The following FREM3 variants were observed in gnomAD, a reference collection of about 807,000 sequenced individuals.
FREM3 encodes the protein FRAS1-related extracellular matrix protein 3.
FREM3 carries 105 observed loss-of-function variants against 129.1 expected under a neutral mutation model. The ratio of observed to expected loss-of-function variants is 0.81; its 90% CI spans 0.69 to 0.96. The LOEUF (loss-of-function observed/expected upper bound fraction) is 0.96. Among genes scored for constraint, FREM3 ranks in the 40% least tolerant of loss-of-function variants. The pLI is 0.00. For missense variants in FREM3, 2,593 were observed against 2,666.3 expected (o/e 0.97, Z 0.61); for synonymous variants, 1,014 against 1,044.9 (o/e 0.97, Z 0.57).
intron 6 of FREM3, among the ~76,000 whole-genome samples, chr4:143,607,352 A>C (rs1738684762): frequency 6.6e-6 from 1 of 152,140 alleles, no homozygotes; most frequent in African/African-American, 2.4e-5. Flanking sequence ...GACACAGCAC[A>C]AATGGTACTT....
intron 7 of FREM3, 109 bp from the exon 8 acceptor site, chr4:143,577,961 A>G: frequency 8.5e-7 from 1 of 1,179,296 alleles, no homozygotes; most frequent in South Asian, 1.6e-5. Context: ...CTTTGTACCC[A>G]ACACTCTCAG....
Position 143,698,748 on chromosome 4 carries a change from G to A in FREM3, c.1928C>T (p.Thr643Ile). ...CATTATGTCTCTCTGTAGCCACTCAGTCACCACTTTCTCATAAAGCCCTTC... is the reference window on the plus strand; with the variant it reads ...CATTATGTCTCTCTGTAGCCACTCAATCACCACTTTCTCATAAAGCCCTTC... ...EKEGLYEKVV[T>I]EWLQRDIMEG... The change falls in exon 1 of 8, where the codon ACT becomes ATT. Residue 643 changes from threonine (T) to isoleucine (I), a missense_variant. By Grantham distance (89) the Thr-to-Ile change is moderately conservative. Transcript: ENST00000329798. The A allele has an allele frequency of 6.5e-7, 1 of 1,537,482 alleles. No individual in the cohort carries two copies. The highest frequency in any genetic ancestry group is 1.2e-5 in the South Asian group (1 of 84,058).
chr4:143,662,259 A>T (rs941351095), intron 2 of FREM3, among the ~76,000 whole-genome samples: 3 of 152,064 alleles, frequency 2.0e-5, no homozygotes, highest in African/African-American at 7.2e-5. Context: ...CACTGCTTTG[A>T]ATGTGTCCCA....
intron 2 of FREM3, among the ~76,000 whole-genome samples, chr4:143,631,781 T>G (rs938879349): frequency 6.6e-6 from 1 of 151,970 alleles, no homozygotes; most frequent in Non-Finnish European, 1.5e-5. Context: ...AAGGTAGACT[T>G]AGGGGAAGCA....
At chr4:143,695,268 A>G (rs1007867120) in intron 1 of FREM3, among the ~76,000 whole-genome samples, 2 of 152,254 alleles carry the variant, frequency 1.3e-5, no homozygotes, top group South Asian at 2.1e-4. Context: ...CTACAACTTT[A>G]TGAAATATCT....
intron 5 of FREM3, among the ~76,000 whole-genome samples, chr4:143,614,661 T>C (rs1738814615): frequency 6.6e-6 from 1 of 152,214 alleles, no homozygotes; most frequent in South Asian, 2.1e-4. Context: ...GGTTTAGTTC[T>C]CCAAAATTAA....
At chr4:143,578,808 T>G (rs1738083683) in intron 7 of FREM3, among the ~76,000 whole-genome samples, 1 of 152,222 alleles carries the variant, frequency 6.6e-6, no homozygotes, top group African/African-American at 2.4e-5. Context: ...TTGAGAGGAC[T>G]GTTGTAGGTT....
chr4:143,667,275 A>G (rs1157461840), intron 2 of FREM3, among the ~76,000 whole-genome samples: 1 of 152,200 alleles, frequency 6.6e-6, no homozygotes, highest in Non-Finnish European at 1.5e-5. Flanking sequence ...TAAGATCTAT[A>G]GATTTATTCT....
intron 2 of FREM3, among the ~76,000 whole-genome samples, chr4:143,641,889 T>A (rs1739326014): frequency 6.6e-6 from 1 of 152,190 alleles, no homozygotes; most frequent in African/African-American, 2.4e-5. Context: ...TTCATAAATC[T>A]TATATACCCT....
chr4:143,683,111 C>A (rs904978472), intron 2 of FREM3, among the ~76,000 whole-genome samples: 1 of 152,168 alleles, frequency 6.6e-6, no homozygotes. Context: ...ACCCTAAAGT[C>A]GCACAAGAAC....
rs1362735356 is a variant in FREM3, at chr4:143,698,414, G to T, written c.2262C>A (p.Asn754Lys). The T allele has an allele frequency of 6.5e-7, 1 of 1,537,928 alleles. No homozygotes were observed. Among genetic ancestry groups the T allele is most frequent in the South Asian group, 1.2e-5 (1 of 84,056 alleles). Residue 754 changes from asparagine (N) to lysine (K), a missense_variant, in exon 1 of 8, where the codon AAC becomes AAA. By Grantham distance (94) the Asn-to-Lys change is moderately conservative. This residue lies in a region of FREM3 where 2,276 missense variants were observed against 2,267.2 expected (regional missense o/e 1.00). Transcript: ENST00000329798. ...CAATTTCTCCAGCCCGGACTTGGTG[G>T]TTGCCATCTGTGTCAGTCGGGAGTG... ...LLTLPTDTDG[N>K]HQVRAGEIVL...
intron 2 of FREM3, among the ~76,000 whole-genome samples, chr4:143,668,174 G>C (rs1007247755): frequency 2.0e-5 from 3 of 152,168 alleles, no homozygotes; most frequent in African/African-American, 7.2e-5. Flanking sequence ...TTACTACAGG[G>C]CTGGAAAGTG....
At chr4:143,662,547 A>T (rs997464697) in intron 2 of FREM3, among the ~76,000 whole-genome samples, 38 of 149,482 alleles carry the variant, frequency 2.5e-4, no homozygotes, top group African/African-American at 8.1e-4. Flanking sequence ...TGCGGAAAAA[A>T]ATGTATATTC....
At chr4:143,620,737 G>A (rs1423557350) in intron 5 of FREM3, among the ~76,000 whole-genome samples, 2 of 152,170 alleles carry the variant, frequency 1.3e-5, no homozygotes, top group Non-Finnish European at 2.9e-5. Context: ...GACACAAGAT[G>A]TCTCATTTGA....
intron 6 of FREM3, among the ~76,000 whole-genome samples, chr4:143,595,854 C>G (rs995861695): frequency 7.0e-6 from 1 of 142,892 alleles, no homozygotes; most frequent in East Asian, 2.0e-4. Flanking sequence ...CGCCACTGCA[C>G]TCCAGTCTGG....
chr4:143,662,431 G>C (rs992800206), intron 2 of FREM3, among the ~76,000 whole-genome samples: 3 of 152,170 alleles, frequency 2.0e-5, no homozygotes, highest in Non-Finnish European at 2.9e-5. Flanking sequence ...GTAGTAGTTT[G>C]ATTGCACTGT....
chr4:143,660,535 T>G (rs1443732076), intron 2 of FREM3, among the ~76,000 whole-genome samples: 1 of 152,196 alleles, frequency 6.6e-6, no homozygotes, highest in Admixed American at 6.5e-5. Context: ...CCAGCTTTGT[T>G]CTTTTGGCTT....
intron 4 of FREM3, among the ~76,000 whole-genome samples, chr4:143,622,315 A>G (rs1232370203): frequency 4.0e-5 from 6 of 151,486 alleles, no homozygotes; most frequent in African/African-American, 1.2e-4. Context: ...GCTGGTCTCG[A>G]ACTCCTGGAC....
At chr4:143,578,817 T>A (rs1380434784) in intron 7 of FREM3, among the ~76,000 whole-genome samples, 2 of 152,174 alleles carry the variant, frequency 1.3e-5, no homozygotes, top group Non-Finnish European at 2.9e-5. Flanking sequence ...CTGTTGTAGG[T>A]TGAAGAAAAC....
Sources: allele counts gnomAD v4.1 joint callset (sites outside exome capture counted in the v4.1 genomes callset), GRCh38; gene constraint gnomAD v4.1.1; regional missense constraint gnomAD v4.1.1; transcripts MANE v1.5; gene names NCBI Gene and HGNC (gene_info 2026-07-23, HGNC 2026-07-21).